Variants in KLHL29 observed in about 807,000 individuals in gnomAD.
KLHL29 encodes the protein kelch like family member 29.
In KLHL29, 21 loss-of-function variants were observed where a neutral mutation model predicts 80.4. That is an observed-to-expected ratio of 0.26 (90% CI 0.19 to 0.38). KLHL29 has a LOEUF of 0.38. KLHL29 is among the 10% of genes least tolerant of loss of function. The pLI, the probability that KLHL29 is intolerant of heterozygous loss-of-function variation, is 1.00. For missense variants in KLHL29, 867 were observed against 1,223.9 expected (o/e 0.71, Z 4.35); for synonymous variants, 511 against 526.8 (o/e 0.97, Z 0.41).
At chr2:23,404,286 C>T (rs1446061536) in intron 1 of KLHL29, among the ~76,000 whole-genome samples, 2 of 151,810 alleles carry the variant, frequency 1.3e-5, no homozygotes, top group Non-Finnish European at 2.9e-5. Context: ...AAAAATCACT[C>T]AGTCATTAGC....
chr2:23,502,040 C>T (rs1665461627), intron 2 of KLHL29, among the ~76,000 whole-genome samples: 1 of 152,146 alleles, frequency 6.6e-6, no homozygotes, highest in Admixed American at 6.5e-5. Flanking sequence ...CTCCTGGGCC[C>T]ATCGGGTGCT....
intron 1 of KLHL29, among the ~76,000 whole-genome samples, chr2:23,443,486 C>T (rs1016598547): frequency 1.3e-5 from 2 of 152,140 alleles, no homozygotes; most frequent in African/African-American, 4.8e-5. Context: ...TAAAATAACC[C>T]TCCACTTTTT....
In KLHL29 at chr2:23,695,550, C is replaced by T. The variant is rs531178943; in HGVS notation, c.1543-73C>T. 28 of 1,047,730 alleles carry T rather than the reference C, an allele frequency of 2.7e-5. No homozygotes were observed. In the Middle Eastern group the frequency reaches 8.3e-4, roughly 31 times the overall value. 64.9% of individuals were successfully genotyped at this position (1,047,730 alleles called of 1,614,324 possible). On this transcript the variant is annotated intron_variant, in intron 8 of 13. Coordinates refer to ENST00000486442, the MANE Select transcript of KLHL29 (RefSeq NM_052920.2). This position sits in a 1 kb window ranked among gnomAD's most constrained non-coding sequence, Gnocchi z 7.6. ...AATTATCCATTCTTGTGCAGCCCCA[C>T]ACCATTTCTTTCCGTCCGGGAGGTG...
intron 2 of KLHL29, among the ~76,000 whole-genome samples, chr2:23,513,118 C>T (rs766805244): frequency 3.3e-5 from 5 of 152,166 alleles, no homozygotes; most frequent in East Asian, 1.9e-4. Flanking sequence ...CTGTAGTTAC[C>T]GTCTTGGAGT....
chr2:23,437,086 A>G (rs1663365837), intron 1 of KLHL29, among the ~76,000 whole-genome samples: 1 of 152,214 alleles, frequency 6.6e-6, no homozygotes, highest in African/African-American at 2.4e-5. Context: ...TAGCTGGGCC[A>G]CCGGCTTGAT....
intron 3 of KLHL29, among the ~76,000 whole-genome samples, chr2:23,615,840 G>A (rs183203756): frequency 7.6e-4 from 116 of 152,290 alleles, no homozygotes; most frequent in Non-Finnish European, 1.2e-3. Context: ...CTTCCTGCAC[G>A]TCAGCGTCGC....
intron 4 of KLHL29, among the ~76,000 whole-genome samples, chr2:23,641,721 T>A (rs547870069): frequency 6.6e-6 from 1 of 152,292 alleles, no homozygotes; most frequent in South Asian, 2.1e-4. Context: ...TGGTGGCTCA[T>A]ACCTGTGGTC....
At chr2:23,504,536 G>A (rs756920855) in intron 2 of KLHL29, among the ~76,000 whole-genome samples, 42 of 152,236 alleles carry the variant, frequency 2.8e-4, no homozygotes, top group Non-Finnish European at 5.6e-4. Flanking sequence ...AAGTCCCAGT[G>A]TTTCCAGTTA....
intron 5 of KLHL29, among the ~76,000 whole-genome samples, chr2:23,662,266 C>G (rs1421689805): frequency 6.6e-6 from 1 of 152,190 alleles, no homozygotes; most frequent in Non-Finnish European, 1.5e-5. Context: ...CACATCGTCT[C>G]GTCTAGATAT....
At chr2:23,393,020 A>G (rs1435896563) in intron 1 of KLHL29, among the ~76,000 whole-genome samples, 1 of 152,218 alleles carries the variant, frequency 6.6e-6, no homozygotes, top group African/African-American at 2.4e-5. Flanking sequence ...GTCTGTTTCC[A>G]TCTTGAGCCA....
At chr2:23,437,592 G>A (rs372099283) in intron 1 of KLHL29, among the ~76,000 whole-genome samples, 39 of 151,880 alleles carry the variant, frequency 2.6e-4, no homozygotes, top group East Asian at 1.5e-3. Flanking sequence ...TTCACTTGGC[G>A]TACAGCCTAC....
chr2:23,390,714 C>A (rs2103382031), intron 1 of KLHL29, among the ~76,000 whole-genome samples: 1 of 140,232 alleles, frequency 7.1e-6, no homozygotes, highest in South Asian at 2.3e-4. Flanking sequence ...TGCAATGACA[C>A]AATCTTGGCT....
At chr2:23,588,520 T>C (rs1017770350) in intron 3 of KLHL29, among the ~76,000 whole-genome samples, 6 of 152,034 alleles carry the variant, frequency 3.9e-5, no homozygotes, top group African/African-American at 1.4e-4. Flanking sequence ...CCTCTGGGCT[T>C]CTCTCCCTGG....
chr2:23,661,551 A>G (rs543219865), intron 5 of KLHL29, among the ~76,000 whole-genome samples: 46 of 152,308 alleles, frequency 3.0e-4, no homozygotes, highest in African/African-American at 1.1e-3. Context: ...CCCTCCTGGC[A>G]TGGGCAGTGG....
chr2:23,434,602 G>A (rs973238781), intron 1 of KLHL29, among the ~76,000 whole-genome samples: 1 of 152,208 alleles, frequency 6.6e-6, no homozygotes, highest in African/African-American at 2.4e-5. Flanking sequence ...GACATTGAGA[G>A]TCCTTCCCCC....
At chr2:23,574,907 A>G (rs1427653997) in intron 3 of KLHL29, among the ~76,000 whole-genome samples, 1 of 152,070 alleles carries the variant, frequency 6.6e-6, no homozygotes, top group Non-Finnish European at 1.5e-5. Context: ...CTTCATGCAG[A>G]CCAGTGTGTG....
At chr2:23,454,802 TA>T (rs199872258) in intron 1 of KLHL29, among the ~76,000 whole-genome samples, 1 of 152,094 alleles carries the variant, frequency 6.6e-6, no homozygotes, top group African/African-American at 2.4e-5. Context: ...GATTTTTTTT[TA>T]AATTTTGTAC....
chr2:23,538,638 T>A (rs538433894), intron 2 of KLHL29, among the ~76,000 whole-genome samples: 2 of 152,302 alleles, frequency 1.3e-5, no homozygotes, highest in South Asian at 4.1e-4. Context: ...GGACACACTG[T>A]GGAATATGTC....
At chr2:23,532,474 G>T in intron 2 of KLHL29, 1 of 431,352 alleles carries the variant, frequency 2.3e-6, no homozygotes, top group South Asian at 1.7e-5. Flanking sequence ...CACCCAGGGC[G>T]GCACCCAGGC....
Sources: gnomAD v4.1 joint callset for allele counts (sites outside exome capture counted in the v4.1 genomes callset) on GRCh38, gnomAD v4.1.1 for gene constraint, Gnocchi (gnomAD v3.1) non-coding constraint, MANE v1.5 for transcripts, NCBI Gene and HGNC (gene_info 2026-07-23, HGNC 2026-07-21) for gene names.